The following ADAMTS20 variants were observed in gnomAD, a reference collection of about 807,000 sequenced individuals.
The protein encoded by ADAMTS20 is A disintegrin and metalloproteinase with thrombospondin motifs 20.
A neutral mutation model predicts 260.1 loss-of-function variants in ADAMTS20; 225 were observed. The ratio of observed to expected loss-of-function variants is 0.87; its 90% CI spans 0.78 to 0.97. The LOEUF (loss-of-function observed/expected upper bound fraction) is 0.97. Ranked by LOEUF, ADAMTS20 falls within the 50% of genes least tolerant of loss-of-function variation. The pLI, the probability that ADAMTS20 is intolerant of heterozygous loss-of-function variation, is 0.00. For missense variants in ADAMTS20, 2,400 were observed against 2,337.7 expected (o/e 1.03, Z -0.55); for synonymous variants, 802 against 769.5 (o/e 1.04, Z -0.70).
rs772731689 is a variant in ADAMTS20, at chr12:43,466,715, CT to C, written c.1303del (p.Ser435ValfsTer4). 13 of 1,611,876 alleles carry C rather than the reference CT, an allele frequency of 8.1e-6. 1 individual carries two copies. In the South Asian group the frequency reaches 1.4e-4, roughly 18 times the overall value. On this transcript the variant is annotated frameshift_variant, in exon 9 of 39. Transcript: ENST00000389420. LOFTEE classifies it high-confidence loss of function. ...CCAGCTCCAAGGACTCATGTGAAAA[CT>C]TAAAGCAGGGGCCATTACATGATAC... ...TKYHVMAPAL[S>X]FHMSPWSWSN...
At chr12:43,523,909 C>T (rs1358948678) in intron 3 of ADAMTS20, among the ~76,000 whole-genome samples, 2 of 151,324 alleles carry the variant, frequency 1.3e-5, no homozygotes, top group Admixed American at 6.6e-5. Context: ...AGGACAGACA[C>T]TTTGGGGGAG....
intron 18 of ADAMTS20, 62 bp downstream of exon 18, chr12:43,439,560 G>T: frequency 6.5e-7 from 1 of 1,548,290 alleles, no homozygotes; most frequent in Non-Finnish European, 8.7e-7. Flanking sequence ...AGACTCAAAA[G>T]TACCCAAAAT....
intron 6 of ADAMTS20, among the ~76,000 whole-genome samples, chr12:43,491,495 T>A (rs567407481): frequency 6.6e-6 from 1 of 152,202 alleles, no homozygotes; most frequent in Non-Finnish European, 1.5e-5. Flanking sequence ...TCTTTTGAGT[T>A]TGATGCCTAA....
At chr12:43,369,247 T>A (rs1460515057) in intron 37 of ADAMTS20, 43 bp downstream of exon 37, 1 of 1,263,702 alleles carries the variant, frequency 7.9e-7, no homozygotes, top group Admixed American at 3.5e-5. Context: ...AGCTATAATT[T>A]TTTTCACAAA....
At chr12:43,441,302 T>C (rs540698922) in intron 16 of ADAMTS20, among the ~76,000 whole-genome samples, 3 of 151,722 alleles carry the variant, frequency 2.0e-5, no homozygotes, top group Non-Finnish European at 4.4e-5. Flanking sequence ...ATAGAATATG[T>C]ATATGTGTGT....
In ADAMTS20 at chr12:43,356,547, T is replaced by C; in HGVS notation, c.5580A>G (p.Ile1860Met). Residue 1860 changes from isoleucine to methionine, a missense_variant, in exon 38 of 39, where the codon ATA becomes ATG. Transcript: ENST00000389420. The stretch of plus-strand genomic sequence containing the variant: ...GAGTGAGCCACTTTGCTGTGCTGGA[T>C]ATCTTCATCCCAGTTCCTGACAAAT... ...SINLSGTGMK[I>M]SSTAKWLTQG... The C allele has an allele frequency of 6.2e-7, 1 of 1,612,474 alleles. No homozygotes were observed. The highest frequency in any genetic ancestry group is 8.5e-7 in the Non-Finnish European group (1 of 1,179,200).
intron 7 of ADAMTS20, among the ~76,000 whole-genome samples, chr12:43,482,247 C>T (rs1048714454): frequency 6.6e-6 from 1 of 152,210 alleles, no homozygotes; most frequent in Admixed American, 6.5e-5. Flanking sequence ...CAAGTGGGAA[C>T]GAACCTCGTT....
intron 16 of ADAMTS20, among the ~76,000 whole-genome samples, chr12:43,440,888 C>T (rs1047894326): frequency 6.6e-6 from 1 of 152,088 alleles, no homozygotes; most frequent in Non-Finnish European, 1.5e-5. Context: ...CACAGTGAAA[C>T]CCCGTCTCTA....
At chr12:43,399,007 G>T in intron 29 of ADAMTS20, 59 bp downstream of exon 29, 1 of 1,115,038 alleles carries the variant, frequency 9.0e-7, no homozygotes. Context: ...AAATAAGAAT[G>T]AATTTTCTTT....
At chr12:43,460,988 A>ATATATATATATATATATTTTTTTTTTTT in intron 11 of ADAMTS20, among the ~76,000 whole-genome samples, 3 of 26,396 alleles carry the variant, frequency 1.1e-4, no homozygotes, top group Non-Finnish European at 1.3e-4. Context: ...ATATATATAT[A>ATATATATATATATATATTTTTTTTTTTT]TTTTTTTTTT....
At chr12:43,541,369 C>T (rs1380168362) in intron 2 of ADAMTS20, among the ~76,000 whole-genome samples, 1 of 152,020 alleles carries the variant, frequency 6.6e-6, no homozygotes, top group African/African-American at 2.4e-5. Flanking sequence ...TTGTATCTAC[C>T]CAATTTCCTA....
chr12:43,357,756 A>T (rs1939775639), intron 37 of ADAMTS20, among the ~76,000 whole-genome samples: 1 of 152,212 alleles, frequency 6.6e-6, no homozygotes, highest in Non-Finnish European at 1.5e-5. Flanking sequence ...ACAGGGCCTA[A>T]GTTCTCAATA....
In ADAMTS20 at chr12:43,418,029, G is replaced by A. The variant is rs1202410987; in HGVS notation, c.4284+7485C>T. Among the ~76,000 whole-genome samples the A allele has an allele frequency of 5.3e-5, 8 of 152,134 alleles. No individual in the cohort carries two copies. The South Asian group carries it at 1.0e-3, about 20-fold the overall frequency. ...CTGCTGCTGCTGGTGGTTGGTTTATGTTTTAGTTTTAAGCACACAGACTTT... is the reference window on the plus strand; with the variant it reads ...CTGCTGCTGCTGGTGGTTGGTTTATATTTTAGTTTTAAGCACACAGACTTT... On this transcript the variant is annotated intron_variant, in intron 28 of 38. Coordinates refer to ENST00000389420, the MANE Select transcript of ADAMTS20 (RefSeq NM_025003.5).
At chr12:43,506,155 C>CAAAA (rs386376330) in intron 3 of ADAMTS20, among the ~76,000 whole-genome samples, 1 of 96,500 alleles carries the variant, frequency 1.0e-5, no homozygotes, top group African/African-American at 3.4e-5. Context: ...ACAACAACAA[C>CAAAA]AACAAAGGAA....
chr12:43,371,129 T>C (rs1940098995), intron 36 of ADAMTS20, among the ~76,000 whole-genome samples: 1 of 152,314 alleles, frequency 6.6e-6, no homozygotes, highest in African/African-American at 2.4e-5. Flanking sequence ...TCCCCCAACC[T>C]ACATTTGATT....
At chr12:43,361,718 C>A (rs1939872066) in intron 37 of ADAMTS20, among the ~76,000 whole-genome samples, 1 of 152,156 alleles carries the variant, frequency 6.6e-6, no homozygotes, top group Non-Finnish European at 1.5e-5. Context: ...AAATAGCTAT[C>A]TTATGATTTA....
rs1482971179 is a variant in ADAMTS20, at chr12:43,460,982, ATATATATTTTTTT to A, written c.1614+1900_1614+1912del. On this transcript the variant is annotated intron_variant, in intron 11 of 38. Coordinates refer to ENST00000389420, the MANE Select transcript of ADAMTS20 (RefSeq NM_025003.5). ...AACTAAATTATATATATATATATATATATATATTTTTTTTTTTTTTTTTTTTTTTGAGACGAAG... is the reference window on the plus strand; with the variant it reads ...AACTAAATTATATATATATATATATATTTTTTTTTTTTTTTTGAGACGAAG... 7.0e-5 allele frequency among the ~76,000 whole-genome samples: 3 copies of A among 42,644 alleles called. No homozygotes were observed. The Admixed American group carries it at 1.1e-3, about 16-fold the overall frequency. The allele number at this position is 42,644 out of a possible 152,430, so 28.0% of individuals were successfully genotyped here.
intron 28 of ADAMTS20, among the ~76,000 whole-genome samples, chr12:43,413,864 C>T (rs1941078685): frequency 6.6e-6 from 1 of 152,050 alleles, no homozygotes; most frequent in Non-Finnish European, 1.5e-5. Flanking sequence ...CTTTCCCATC[C>T]CATATCCCAC....
intron 4 of ADAMTS20, among the ~76,000 whole-genome samples, chr12:43,498,594 C>A (rs1942709757): frequency 1.3e-5 from 2 of 152,160 alleles, no homozygotes; most frequent in South Asian, 4.1e-4. Context: ...TTAGTGCCTT[C>A]TAAAAACTGG....
Sources: allele counts gnomAD v4.1 joint callset (sites outside exome capture counted in the v4.1 genomes callset), GRCh38; gene constraint gnomAD v4.1.1; transcripts MANE v1.5; gene names NCBI Gene and HGNC (gene_info 2026-07-23, HGNC 2026-07-21).